CCDC178: variants seen among roughly 807,000 people sequenced by gnomAD.
CCDC178 encodes coiled-coil domain containing 178, also known as coiled-coil domain-containing protein 178.
In CCDC178, 126 loss-of-function variants were observed where a neutral mutation model predicts 117.4. That is an observed-to-expected ratio of 1.07 (90% confidence interval 0.93 to 1.24). The LOEUF (loss-of-function observed/expected upper bound fraction) is 1.24. Among genes scored for constraint, CCDC178 ranks in the 50% most tolerant of loss-of-function variants. CCDC178 has a pLI of 0.00. For missense variants in CCDC178, 1,030 were observed against 986.9 expected (o/e 1.04, Z -0.59); for synonymous variants, 283 against 313.4 (o/e 0.90, Z 1.02).
intron 21 of CCDC178, among the ~76,000 whole-genome samples, chr18:33,046,267 T>G (rs2056641334): frequency 6.6e-6 from 1 of 152,138 alleles, no homozygotes; most frequent in Non-Finnish European, 1.5e-5. Flanking sequence ...ATCTTAAGGT[T>G]TCTTCTCCTC....
At chr18:33,255,023 C>T (rs950544071) in intron 14 of CCDC178, among the ~76,000 whole-genome samples, 2 of 152,038 alleles carry the variant, frequency 1.3e-5, no homozygotes, top group South Asian at 2.1e-4. Context: ...TGAGCTCTTG[C>T]TTTGGTGAGA....
chr18:33,242,833 A>G (rs904494006), intron 15 of CCDC178, among the ~76,000 whole-genome samples: 2 of 151,838 alleles, frequency 1.3e-5, no homozygotes, highest in African/African-American at 4.8e-5. Flanking sequence ...GACACTATGG[A>G]CAGCAGGACA....
At chr18:33,429,320 G>A (rs1249616874) in intron 2 of CCDC178, among the ~76,000 whole-genome samples, 1 of 152,080 alleles carries the variant, frequency 6.6e-6, no homozygotes, top group Non-Finnish European at 1.5e-5. Context: ...AGGAGAGAAG[G>A]AGACAGGGAG....
Position 32,977,154 on chromosome 18 carries a change from G to A in CCDC178, c.2389-2473C>T, listed in dbSNP as rs141846112. Among the ~76,000 whole-genome samples the A allele has an allele frequency of 3.5e-3, 531 of 152,132 alleles. 4 individuals are homozygous for A. Among genetic ancestry groups the A allele is most frequent in the African/African-American group, 0.012 (497 of 41,538 alleles). ...GAGATAGCTTCTTTGATTAACCCCC[G>A]TTTACAGCTGAGAAATCTATATTTT... On this transcript the variant is annotated intron_variant, in intron 21 of 22. Transcript: ENST00000383096.
intron 2 of CCDC178, among the ~76,000 whole-genome samples, chr18:33,426,594 C>A (rs572397988): frequency 3.6e-4 from 55 of 152,300 alleles, no homozygotes; most frequent in Admixed American, 3.5e-3. Flanking sequence ...TGCAAAGTCT[C>A]TTTACTCTTC....
intron 21 of CCDC178, among the ~76,000 whole-genome samples, chr18:33,002,234 T>A (rs897524451): frequency 3.3e-5 from 5 of 152,114 alleles, no homozygotes; most frequent in Admixed American, 3.3e-4. Context: ...CACATTCTTA[T>A]CCTCAGCACA....
At chr18:33,167,910 T>C (rs1329487806) in intron 20 of CCDC178, among the ~76,000 whole-genome samples, 1 of 149,546 alleles carries the variant, frequency 6.7e-6, no homozygotes, top group Non-Finnish European at 1.5e-5. Context: ...AATAAAAGTG[T>C]CTGTTCATGT....
At chr18:32,990,635 G>GA (rs1214225377) in intron 21 of CCDC178, among the ~76,000 whole-genome samples, 2 of 151,892 alleles carry the variant, frequency 1.3e-5, no homozygotes, top group Non-Finnish European at 2.9e-5. Context: ...AATCTCAGAA[G>GA]AAATTAAAAG....
chr18:33,438,265 G>C (rs1453818694), intron 2 of CCDC178, among the ~76,000 whole-genome samples: 1 of 152,028 alleles, frequency 6.6e-6, no homozygotes, highest in Non-Finnish European at 1.5e-5. Context: ...CCTGCTTCTA[G>C]TTAGCCCTCC....
intron 21 of CCDC178, among the ~76,000 whole-genome samples, chr18:33,065,270 T>G (rs1462066384): frequency 6.6e-6 from 1 of 152,138 alleles, no homozygotes; most frequent in South Asian, 2.1e-4. Flanking sequence ...AAATATATGA[T>G]AAAGGCACGA....
At chr18:33,127,748 T>C (rs764403144) in intron 20 of CCDC178, among the ~76,000 whole-genome samples, 5 of 152,264 alleles carry the variant, frequency 3.3e-5, no homozygotes, top group African/African-American at 1.2e-4. Context: ...TCAGTTGGTA[T>C]TTTTAACAGT....
chr18:33,286,427 C>G (rs993530525), intron 12 of CCDC178, among the ~76,000 whole-genome samples: 18 of 152,282 alleles, frequency 1.2e-4, no homozygotes, highest in Admixed American at 3.3e-4. Flanking sequence ...TAGAAAATCA[C>G]TCAGCTTCTC....
chr18:33,418,332 A>G (rs1305651813), intron 2 of CCDC178, among the ~76,000 whole-genome samples: 2 of 152,166 alleles, frequency 1.3e-5, no homozygotes, highest in African/African-American at 4.8e-5. Flanking sequence ...TCAAAGGAAC[A>G]TATCTCAAAA....
chr18:33,314,878 C>A (rs1297407616), intron 11 of CCDC178, among the ~76,000 whole-genome samples: 1 of 152,164 alleles, frequency 6.6e-6, no homozygotes, highest in Non-Finnish European at 1.5e-5. Flanking sequence ...TCCCACTAAC[C>A]AAGCTGAATT....
chr18:33,143,563 C>T (rs1234438911), intron 20 of CCDC178, among the ~76,000 whole-genome samples: 1 of 152,022 alleles, frequency 6.6e-6, no homozygotes, highest in East Asian at 1.9e-4. Context: ...GGTAGGATTC[C>T]ATTGTTTTCA....
chr18:33,083,726 T>C (rs533763999), intron 21 of CCDC178, among the ~76,000 whole-genome samples: 1 of 152,346 alleles, frequency 6.6e-6, no homozygotes, highest in South Asian at 2.1e-4. Flanking sequence ...GTGGTAAAAA[T>C]ATTAAGTTCA....
Position 33,408,861 on chromosome 18 carries a change from G to A in CCDC178, c.58+3170C>T, listed in dbSNP as rs186696937. Among the ~76,000 whole-genome samples, 7 of 152,184 alleles carry A rather than the reference G, an allele frequency of 4.6e-5. No homozygotes were observed. In the East Asian group the frequency reaches 1.4e-3, roughly 29 times the overall value. Reference sequence around the variant, plus strand: ...CAGTTTTGTATTTAGAGAAAATACTGCCTGCAAAGCCAAAAAATTATAGTT... The same window carrying A: ...CAGTTTTGTATTTAGAGAAAATACTACCTGCAAAGCCAAAAAATTATAGTT... On this transcript the variant is annotated intron_variant, in intron 3 of 22. Transcript: ENST00000383096.
intron 20 of CCDC178, among the ~76,000 whole-genome samples, chr18:33,137,226 C>A (rs985411651): frequency 6.6e-6 from 1 of 152,170 alleles, no homozygotes; most frequent in African/African-American, 2.4e-5. Context: ...AGTTCATTCA[C>A]AAGCATTCAT....
intron 21 of CCDC178, among the ~76,000 whole-genome samples, chr18:33,055,490 C>A (rs1431074978): frequency 6.6e-6 from 1 of 152,032 alleles, no homozygotes; most frequent in Non-Finnish European, 1.5e-5. Flanking sequence ...GTGCACGCCA[C>A]CATGCCCCGC....
Sources: allele counts gnomAD v4.1 joint callset (sites outside exome capture counted in the v4.1 genomes callset), GRCh38; gene constraint gnomAD v4.1.1; transcripts MANE v1.5; gene names NCBI Gene and HGNC (gene_info 2026-07-23, HGNC 2026-07-21).